The following TXLNB variants were observed in gnomAD, a reference collection of about 807,000 sequenced individuals.
The protein encoded by TXLNB is taxilin beta, also known as beta-taxilin.
Under a neutral mutation model 57.4 loss-of-function variants are expected in TXLNB, and 37 were observed. The observed-to-expected ratio is 0.64, with a 90% CI of 0.50 to 0.85. TXLNB has a LOEUF of 0.85. TXLNB is among the 40% of genes least tolerant of loss of function. The pLI is 0.00. For synonymous variants in TXLNB, 302 were observed against 309.6 expected, an observed-to-expected ratio of 0.98 and a Z score of 0.26; for missense variants, 848 against 825.6, an observed-to-expected ratio of 1.03 and a Z score of -0.33.
intron 2 of TXLNB, among the ~76,000 whole-genome samples, chr6:139,277,418 T>C (rs1021706590): frequency 2.0e-5 from 3 of 152,178 alleles, no homozygotes; most frequent in African/African-American, 7.2e-5. Context: ...GCCCGTTTTT[T>C]CCCCTGTGTT....
the TXLNB span, among the ~76,000 whole-genome samples, chr6:139,308,796 A>G: frequency 8.5e-5 from 13 of 152,374 alleles, no homozygotes; most frequent in Admixed American, 2.6e-4. Context: ...TTAAACAGGA[A>G]TATTTATTTT....
chr6:139,266,812 A>G (rs1776625474), intron 4 of TXLNB, among the ~76,000 whole-genome samples: 1 of 152,156 alleles, frequency 6.6e-6, no homozygotes, highest in Non-Finnish European at 1.5e-5. Flanking sequence ...AAAGCAGTAA[A>G]AGTTCTGAAA....
the TXLNB span, among the ~76,000 whole-genome samples, chr6:139,213,329 A>T: frequency 6.6e-6 from 1 of 152,228 alleles, no homozygotes; most frequent in Non-Finnish European, 1.5e-5. Flanking sequence ...AAACTCACTC[A>T]AAACCGCTCA....
chr6:139,199,457 C>T, the TXLNB span, among the ~76,000 whole-genome samples: 1 of 152,204 alleles, frequency 6.6e-6, no homozygotes, highest in Non-Finnish European at 1.5e-5. Context: ...AGCAGACAGG[C>T]TCTGCTGCTG....
At chr6:139,296,581 C>T (rs1186005129), upstream of TXLNB, among the ~76,000 whole-genome samples, 1 of 152,142 alleles carries the variant, frequency 6.6e-6, no homozygotes. Flanking sequence ...TTAACCTCTT[C>T]TCTTTTTCGT....
At chr6:139,221,175 A>G in the TXLNB span, among the ~76,000 whole-genome samples, 1 of 152,196 alleles carries the variant, frequency 6.6e-6, no homozygotes, top group African/African-American at 2.4e-5. Context: ...GACTGAGAGG[A>G]TGAGACGCTA....
the TXLNB span, among the ~76,000 whole-genome samples, chr6:139,322,542 A>G: frequency 6.6e-6 from 1 of 152,156 alleles, no homozygotes; most frequent in Non-Finnish European, 1.5e-5. Context: ...ATTATAGAAA[A>G]TGGCAACTCC....
chr6:139,168,180 C>A, the TXLNB span, among the ~76,000 whole-genome samples: 1 of 152,188 alleles, frequency 6.6e-6, no homozygotes, highest in African/African-American at 2.4e-5. Flanking sequence ...TGTCTTCATT[C>A]TCCAGCTTTA....
chr6:139,188,206 C>T, the TXLNB span, among the ~76,000 whole-genome samples: 9 of 152,124 alleles, frequency 5.9e-5, no homozygotes, highest in African/African-American at 2.2e-4. Context: ...AGTGGCTTTA[C>T]TTTATGTCTC....
the TXLNB span, among the ~76,000 whole-genome samples, chr6:139,182,451 A>C: frequency 6.6e-6 from 1 of 152,178 alleles, no homozygotes. Context: ...ATGGAAGAAA[A>C]TTGTTACTTC....
intron 4 of TXLNB, among the ~76,000 whole-genome samples, chr6:139,267,476 A>C (rs1379304628): frequency 6.6e-6 from 1 of 152,224 alleles, no homozygotes; most frequent in Non-Finnish European, 1.5e-5. Context: ...GCAACTACTA[A>C]AGATAATGTG....
chr6:139,270,591 C>A lies in TXLNB; in HGVS notation c.552G>T (p.Lys184Asn), dbSNP rs1349236261. 1 of 1,613,964 alleles carries A rather than the reference C, an allele frequency of 6.2e-7. No homozygotes were observed. Among genetic ancestry groups the A allele is most frequent in the African/African-American group, 1.3e-5 (1 of 74,916 alleles). The change falls in exon 4 of 10, where the codon AAG becomes AAT. Residue 184 changes from lysine to asparagine, a missense_variant. By Grantham distance (94) the Lys-to-Asn change is moderately conservative. Transcript: ENST00000358430. ...TTTGTACCTGTTTCTTTTGGAGGAGCTTTAACTTCTTTTGCTCAGTACGAT... is the reference window on the plus strand; with the variant it reads ...TTTGTACCTGTTTCTTTTGGAGGAGATTTAACTTCTTTTGCTCAGTACGAT... ...DEHRTEQKKLKLLQKKQVQIQ... is the reference protein window; with the variant it reads ...DEHRTEQKKLNLLQKKQVQIQ...
At chr6:139,207,249 T>C in the TXLNB span, among the ~76,000 whole-genome samples, 1 of 152,218 alleles carries the variant, frequency 6.6e-6, no homozygotes, top group Non-Finnish European at 1.5e-5. Flanking sequence ...CAAGTCTTAA[T>C]ACATTTAAGA....
the TXLNB span, chr6:139,234,142 T>A: frequency 9.2e-5 from 14 of 152,072 alleles, no homozygotes; most frequent in African/African-American, 3.4e-4. Flanking sequence ...TGGAAGAAAT[T>A]TCTAAGGGGT....
the TXLNB span, among the ~76,000 whole-genome samples, chr6:139,315,236 C>A: frequency 1.3e-5 from 2 of 152,160 alleles, no homozygotes; most frequent in African/African-American, 4.8e-5. Flanking sequence ...ACTTCCTAAG[C>A]CCCTACCCAC....
At chr6:139,298,256 A>G in the TXLNB span, among the ~76,000 whole-genome samples, 2 of 152,218 alleles carry the variant, frequency 1.3e-5, no homozygotes, top group South Asian at 2.1e-4. Flanking sequence ...AAAGAGCCCC[A>G]CCTCTTAAGT....
the TXLNB span, among the ~76,000 whole-genome samples, chr6:139,312,824 T>C: frequency 1.3e-5 from 2 of 152,218 alleles, no homozygotes; most frequent in Non-Finnish European, 2.9e-5. Context: ...GAGGAGAGGA[T>C]GACTGTAAGT....
At chr6:139,260,579 C>T (rs559613310) in intron 5 of TXLNB, 142 bp from the exon 6 acceptor site, 2 of 905,494 alleles carry the variant, frequency 2.2e-6, no homozygotes, top group African/African-American at 1.7e-5. Flanking sequence ...GCATCACTTA[C>T]AGCTTTATAA....
At chr6:139,289,753 T>TG (rs1225929779) in intron 1 of TXLNB, among the ~76,000 whole-genome samples, 5 of 152,334 alleles carry the variant, frequency 3.3e-5, no homozygotes, top group Admixed American at 2.0e-4. Flanking sequence ...TAACAATCAC[T>TG]GGGGGTACAT....
Sources: gnomAD v4.1 joint callset for allele counts (sites outside exome capture counted in the v4.1 genomes callset) on GRCh38, gnomAD v4.1.1 for gene constraint, MANE v1.5 for transcripts, NCBI Gene and HGNC (gene_info 2026-07-23, HGNC 2026-07-21) for gene names.